PHKB: variants seen among roughly 807,000 people sequenced by gnomAD.
PHKB encodes the protein phosphorylase b kinase regulatory subunit beta.
A neutral mutation model predicts 152.1 loss-of-function variants in PHKB; 122 were observed. The ratio of observed to expected loss-of-function variants is 0.80; its 90% CI spans 0.69 to 0.93. PHKB has a LOEUF of 0.93. Ranked by LOEUF, PHKB falls within the 40% of genes least tolerant of loss-of-function variation. The pLI, the probability that PHKB is intolerant of heterozygous loss-of-function variation, is 0.00. For synonymous variants in PHKB, 436 were observed against 464.9 expected (o/e 0.94, Z 0.80); for missense variants, 1,304 against 1,328.4 (o/e 0.98, Z 0.29).
chr16:47,628,199 GAC>G (rs1972745549), intron 14 of PHKB, among the ~76,000 whole-genome samples: 1 of 152,094 alleles, frequency 6.6e-6, no homozygotes, highest in Admixed American at 6.6e-5. Flanking sequence ...ATGTAAGCCA[GAC>G]ACAGTAGATT....
intron 13 of PHKB, among the ~76,000 whole-genome samples, chr16:47,602,614 T>C (rs1042189313): frequency 2.0e-5 from 3 of 151,446 alleles, no homozygotes; most frequent in Non-Finnish European, 4.4e-5. Context: ...GTTTGTGGAT[T>C]ATGAGCTTAG....
At chr16:47,529,761 T>C (rs988163336) in intron 6 of PHKB, 2 of 152,192 alleles carry the variant, frequency 1.3e-5, no homozygotes, top group African/African-American at 2.4e-5. Flanking sequence ...CCTTATGAAG[T>C]TAAAAATCAG....
chr16:47,483,003 G>T (rs532794546), intron 1 of PHKB, among the ~76,000 whole-genome samples: 2 of 146,084 alleles, frequency 1.4e-5, no homozygotes, highest in African/African-American at 5.0e-5. Context: ...TTATAGGTGT[G>T]AACCACCATG....
intron 4 of PHKB, among the ~76,000 whole-genome samples, chr16:47,510,569 T>C (rs1197924803): frequency 1.3e-5 from 2 of 152,138 alleles, no homozygotes; most frequent in African/African-American, 2.4e-5. Context: ...ATTATATGAT[T>C]TCACAGGGAG....
At chr16:47,641,422 C>T (rs1371506854) in intron 15 of PHKB, among the ~76,000 whole-genome samples, 177 bp from the exon 16 acceptor site, 1 of 152,150 alleles carries the variant, frequency 6.6e-6, no homozygotes, top group African/African-American at 2.4e-5. Flanking sequence ...CCATGTGATG[C>T]TTCATGGAGG....
At chr16:47,529,230 C>G (rs1167963782) in intron 6 of PHKB, 1 of 152,136 alleles carries the variant, frequency 6.6e-6, no homozygotes, top group East Asian at 1.9e-4. Context: ...TGGCTCACAT[C>G]TCTAATCCCA....
intron 1 of PHKB, among the ~76,000 whole-genome samples, chr16:47,467,636 A>T (rs1969690803): frequency 6.6e-6 from 1 of 152,154 alleles, no homozygotes; most frequent in South Asian, 2.1e-4. Flanking sequence ...TAGGAAATAG[A>T]GGCCATATCA....
At chr16:47,589,140 C>A in intron 10 of PHKB, 38 bp downstream of exon 10, 1 of 1,449,526 alleles carries the variant, frequency 6.9e-7, no homozygotes, top group Non-Finnish European at 9.6e-7. Flanking sequence ...CATATCAGAG[C>A]AATCAAAAGC....
chr16:47,691,254 A>G (rs994629841), intron 27 of PHKB, among the ~76,000 whole-genome samples: 1 of 152,232 alleles, frequency 6.6e-6, no homozygotes, highest in Non-Finnish European at 1.5e-5. Context: ...GCCTCAGGAG[A>G]CACGGAAACT....
At chr16:47,560,511 C>A (rs1011034854) in intron 7 of PHKB, among the ~76,000 whole-genome samples, 8 of 152,292 alleles carry the variant, frequency 5.3e-5, no homozygotes, top group African/African-American at 1.9e-4. Context: ...TTTTCAATTT[C>A]AAAACTTACT....
chr16:47,621,856 C>T (rs1323593815), intron 14 of PHKB, among the ~76,000 whole-genome samples: 1 of 152,002 alleles, frequency 6.6e-6, no homozygotes, highest in East Asian at 1.9e-4. Flanking sequence ...GGTATTTATA[C>T]CTGAGCCAAT....
intron 4 of PHKB, among the ~76,000 whole-genome samples, chr16:47,506,039 A>C (rs544215063): frequency 2.7e-5 from 4 of 150,810 alleles, no homozygotes; most frequent in Admixed American, 2.6e-4. Flanking sequence ...AAAAAAAAAA[A>C]AAAAAAGAAA....
At chr16:47,551,981 C>G (rs1487199113) in intron 7 of PHKB, among the ~76,000 whole-genome samples, 1 of 152,132 alleles carries the variant, frequency 6.6e-6, no homozygotes, top group Non-Finnish European at 1.5e-5. Context: ...CCTTCTTTGT[C>G]TTTCTTGATC....
At chr16:47,463,917 T>C (rs991462207) in intron 1 of PHKB, 8 of 1,613,986 alleles carry the variant, frequency 5.0e-6, no homozygotes, top group Non-Finnish European at 6.8e-6. Context: ...GCGACGCTTA[T>C]GATTAGAGCC....
At chr16:47,571,269 G>T (rs1971653473) in intron 7 of PHKB, among the ~76,000 whole-genome samples, 1 of 152,170 alleles carries the variant, frequency 6.6e-6, no homozygotes, top group Non-Finnish European at 1.5e-5. Context: ...AGGCCAGTAG[G>T]AGGCACCCAT....
chr16:47,622,850 GGTCT>G (rs1972641406), intron 14 of PHKB, among the ~76,000 whole-genome samples: 4 of 152,060 alleles, frequency 2.6e-5, no homozygotes, highest in Non-Finnish European at 5.9e-5. Flanking sequence ...TAGTACACTT[GGTCT>G]CTCATTTTTC....
chr16:47,589,380 C>T lies in PHKB; in HGVS notation c.1068+278C>T, dbSNP rs551791191. On this transcript the variant is annotated intron_variant, in intron 10 of 30. Transcript: ENST00000323584. The stretch of plus-strand genomic sequence containing the variant: ...CTCAGTAAGTGTTAGCTCTTATTAC[C>T]AGTGAGGTATTTACTGATAATGGGC... 8.5e-5 allele frequency among the ~76,000 whole-genome samples: 13 copies of T among 152,250 alleles called. 1 individual carries two copies. Among genetic ancestry groups the T allele is most frequent in the African/African-American group, 2.9e-4 (12 of 41,556 alleles).
chr16:47,472,426 C>T (rs1021997535), intron 1 of PHKB, among the ~76,000 whole-genome samples: 15 of 152,270 alleles, frequency 9.9e-5, no homozygotes, highest in East Asian at 1.9e-4. Context: ...CCAAGGCAGG[C>T]GGGCTGCTTG....
At chr16:47,528,696 C>CTTTTTTT (rs11450311) in intron 6 of PHKB, among the ~76,000 whole-genome samples, 276 of 136,964 alleles carry the variant, frequency 2.0e-3, no homozygotes, top group Middle Eastern at 3.8e-3. Context: ...AGGACTTTTT[C>CTTTTTTT]TTTTTTTTTT....
Sources: allele counts gnomAD v4.1 joint callset (sites outside exome capture counted in the v4.1 genomes callset), GRCh38; gene constraint gnomAD v4.1.1; transcripts MANE v1.5; gene names NCBI Gene and HGNC (gene_info 2026-07-23, HGNC 2026-07-21).